CDH18: variants seen among roughly 807,000 people sequenced by gnomAD.
CDH18 encodes the protein cadherin 18.
A neutral mutation model predicts 67.9 loss-of-function variants in CDH18; 31 were observed. The observed-to-expected ratio is 0.46, with a 90% CI of 0.34 to 0.62. The LOEUF (loss-of-function observed/expected upper bound fraction) is 0.62, where lower values mean the gene tolerates loss of function less well. Ranked by LOEUF, CDH18 falls within the 20% of genes least tolerant of loss-of-function variation. CDH18 has a pLI of 0.01. For synonymous variants in CDH18, 362 were observed against 347.2 expected, an observed-to-expected ratio of 1.04 and a Z score of -0.48; for missense variants, 890 against 975.5, an observed-to-expected ratio of 0.91 and a Z score of 1.17.
At chr5:19,497,629 A>G (rs775339693) in intron 11 of CDH18, among the ~76,000 whole-genome samples, 1 of 152,222 alleles carries the variant, frequency 6.6e-6, no homozygotes, top group Non-Finnish European at 1.5e-5. Flanking sequence ...TTAGTTATTT[A>G]GCAAAGCAGA....
intron 2 of CDH18, among the ~76,000 whole-genome samples, chr5:20,076,137 A>T (rs1414240794): frequency 2.6e-5 from 4 of 152,182 alleles, no homozygotes; most frequent in African/African-American, 9.7e-5. Context: ...AGCTCAAAAC[A>T]TGAACAAAAT....
chr5:20,548,972 C>G (rs2126614369), intron 1 of CDH18, among the ~76,000 whole-genome samples: 1 of 152,186 alleles, frequency 6.6e-6, no homozygotes, highest in East Asian at 1.9e-4. Context: ...ATAATCCATT[C>G]ACATTTGGAG....
chr5:19,671,054 T>A (rs899610359), intron 5 of CDH18, among the ~76,000 whole-genome samples: 1 of 152,128 alleles, frequency 6.6e-6, no homozygotes, highest in African/African-American at 2.4e-5. Context: ...TATGTAGAGA[T>A]AAGTAGTAAG....
chr5:19,839,086 G>T lies in CDH18; in HGVS notation c.-100C>A. 1 of 866,132 alleles carries T rather than the reference G, an allele frequency of 1.2e-6. No homozygotes were observed. 53.7% of individuals were successfully genotyped at this position (866,132 alleles called of 1,614,324 possible). A position where few individuals can be genotyped will look rare whatever the true frequency, so the allele number is the denominator to read the frequency against. On this transcript the variant is annotated 5_prime_UTR_variant, in exon 3 of 13. Coordinates refer to ENST00000382275, the MANE Select transcript of CDH18 (RefSeq NM_004934.5). ...GAGAAGCCAGAGCATCTTTAGGAAG[G>T]ACAGTCCAAAGTAAATTGTTTAGCG...
intron 2 of CDH18, among the ~76,000 whole-genome samples, chr5:20,130,681 C>T (rs1347445446): frequency 3.3e-5 from 5 of 151,842 alleles, no homozygotes; most frequent in African/African-American, 4.8e-5. Flanking sequence ...ATAAGAGATT[C>T]GTGAATAATC....
intron 2 of CDH18, among the ~76,000 whole-genome samples, chr5:19,930,111 A>G (rs948313764): frequency 2.0e-5 from 3 of 152,068 alleles, no homozygotes; most frequent in African/African-American, 7.2e-5. Flanking sequence ...TCTTTAAAGA[A>G]CCTTAAGGGT....
chr5:19,485,493 G>C (rs1298196297), intron 11 of CDH18, among the ~76,000 whole-genome samples: 1 of 152,046 alleles, frequency 6.6e-6, no homozygotes, highest in Non-Finnish European at 1.5e-5. Flanking sequence ...CTGACCTCAC[G>C]ATCCACCCGC....
chr5:20,137,590 T>G (rs1298642448), intron 2 of CDH18, among the ~76,000 whole-genome samples: 1 of 152,138 alleles, frequency 6.6e-6, no homozygotes, highest in African/African-American at 2.4e-5. Flanking sequence ...TTCTGTGAAC[T>G]CGTCAAAGTC....
At chr5:20,177,587 G>T (rs985327989) in intron 2 of CDH18, among the ~76,000 whole-genome samples, 1 of 152,040 alleles carries the variant, frequency 6.6e-6, no homozygotes, top group Admixed American at 6.6e-5. Flanking sequence ...TTCTAGGTGT[G>T]TCTGTGAGGG....
intron 2 of CDH18, among the ~76,000 whole-genome samples, chr5:20,229,448 C>T (rs888584187): frequency 5.9e-5 from 9 of 151,982 alleles, no homozygotes; most frequent in African/African-American, 1.7e-4. Context: ...CAGGGTCTCC[C>T]ATATAAAATC....
chr5:19,551,370 C>T (rs1006467613), intron 8 of CDH18, among the ~76,000 whole-genome samples: 2 of 152,068 alleles, frequency 1.3e-5, no homozygotes, highest in Admixed American at 6.5e-5. Flanking sequence ...AAAATAGACA[C>T]AGCATATATG....
At chr5:19,724,364 A>G (rs993716580) in intron 4 of CDH18, among the ~76,000 whole-genome samples, 2 of 152,214 alleles carry the variant, frequency 1.3e-5, no homozygotes, top group African/African-American at 4.8e-5. Context: ...AGGGAGACAG[A>G]CTAGAGCAAG....
At chr5:20,065,197 G>A (rs1742872680) in intron 2 of CDH18, among the ~76,000 whole-genome samples, 2 of 151,574 alleles carry the variant, frequency 1.3e-5, no homozygotes, top group Non-Finnish European at 2.9e-5. Flanking sequence ...AATGGCTCTC[G>A]TGAGAATCTT....
intron 1 of CDH18, among the ~76,000 whole-genome samples, chr5:20,478,826 C>G (rs550015924): frequency 1.3e-5 from 2 of 152,278 alleles, no homozygotes; most frequent in Non-Finnish European, 2.9e-5. Flanking sequence ...GGCTTTGGGT[C>G]TGACCCAGCA....
chr5:20,332,730 C>T (rs1002962338), intron 1 of CDH18, among the ~76,000 whole-genome samples: 1 of 152,080 alleles, frequency 6.6e-6, no homozygotes, highest in African/African-American at 2.4e-5. Flanking sequence ...TTGAACTATA[C>T]CTACATTTCA....
At chr5:19,476,252 G>A (rs1579664116) in intron 12 of CDH18, among the ~76,000 whole-genome samples, 2 of 152,188 alleles carry the variant, frequency 1.3e-5, no homozygotes, top group East Asian at 3.9e-4. Flanking sequence ...AAAATTCAAT[G>A]AGGGTCACTA....
At chr5:20,328,506 T>TGA (rs1416876267) in intron 1 of CDH18, among the ~76,000 whole-genome samples, 6 of 120,980 alleles carry the variant, frequency 5.0e-5, no homozygotes, top group Admixed American at 1.7e-4. Flanking sequence ...TGTGTGTGTG[T>TGA]GTGAGAGAGA....
chr5:19,715,321 A>G (rs541618064), intron 5 of CDH18, among the ~76,000 whole-genome samples: 21 of 152,286 alleles, frequency 1.4e-4, no homozygotes, highest in African/African-American at 5.1e-4. Flanking sequence ...TACGAAATTC[A>G]TTGAGGTCTT....
At chr5:20,075,523 A>AAAC (rs1299446927) in intron 2 of CDH18, among the ~76,000 whole-genome samples, 1 of 109,436 alleles carries the variant, frequency 9.1e-6, no homozygotes, top group African/African-American at 5.2e-5. Flanking sequence ...ACAAACAAAC[A>AAAC]AAAAAACCTG....
Sources: gnomAD v4.1 joint callset for allele counts (sites outside exome capture counted in the v4.1 genomes callset) on GRCh38, gnomAD v4.1.1 for gene constraint, MANE v1.5 for transcripts, NCBI Gene and HGNC (gene_info 2026-07-23, HGNC 2026-07-21) for gene names.